ZNF462: variants seen among roughly 807,000 people sequenced by gnomAD.
The protein encoded by ZNF462 is zinc finger PBX1-interacting protein.
ZNF462 carries 10 observed loss-of-function variants against 201.9 expected under a neutral mutation model. That is an observed-to-expected ratio of 0.05 (90% CI 0.03 to 0.08). The LOEUF (loss-of-function observed/expected upper bound fraction) is 0.08, where lower values mean the gene tolerates loss of function less well. Ranked by LOEUF, ZNF462 falls within the 10% of genes least tolerant of loss-of-function variation. The pLI is 1.00. For synonymous variants in ZNF462, 1,227 were observed against 1,193.3 expected, an observed-to-expected ratio of 1.03 and a Z score of -0.58; for missense variants, 2,523 against 3,168.3, an observed-to-expected ratio of 0.80 and a Z score of 4.89.
At position 106,972,301 on chromosome 9, in the gene ZNF462, A is replaced by G. The variant is rs2132042212; in HGVS notation, c.6695+29A>G. ...AGTGACGTAATGAACAGCTATGGAA[A>G]ACAAGGCGGCCGCCCCTGCTCCACC... On this transcript the variant is annotated intron_variant, in intron 8 of 12. Transcript: ENST00000277225. The surrounding 1 kb of genome is among the most constrained non-coding windows in gnomAD (Gnocchi z 4.8). The G allele has an allele frequency of 6.3e-7, 1 of 1,598,786 alleles. No homozygotes were observed.
At chr9:106,914,603 A>C (rs1169577614) in intron 1 of ZNF462, among the ~76,000 whole-genome samples, 1 of 152,196 alleles carries the variant, frequency 6.6e-6, no homozygotes, top group African/African-American at 2.4e-5. Context: ...TCCTTCCTTC[A>C]TTCAGCGTAT....
chr9:106,881,935 G>A lies in ZNF462; in HGVS notation c.-31+18580G>A, dbSNP rs145383344. Among the ~76,000 whole-genome samples the A allele has an allele frequency of 1.4e-4, 22 of 152,128 alleles. 1 individual carries two copies. The East Asian group carries it at 3.9e-3, about 27-fold the overall frequency. On this transcript the variant is annotated intron_variant, in intron 1 of 12. Coordinates refer to ENST00000277225, the MANE Select transcript of ZNF462 (RefSeq NM_021224.6). ...TTTTTTGTTTTGACTATTGCTACAC[G>A]ACTAACTCCTCTATAGTAAACCTGA...
chr9:106,906,765 T>A (rs1829291805), intron 1 of ZNF462, among the ~76,000 whole-genome samples: 1 of 152,204 alleles, frequency 6.6e-6, no homozygotes, highest in Non-Finnish European at 1.5e-5. Context: ...TTGTTGAAAA[T>A]TTTTCACATC....
In ZNF462 at chr9:107,003,513, G is replaced by A; in HGVS notation, c.7189+87G>A. ...AGGGAGGCAGGAGGTTGTTGTAGGAGTAACAGAAGGAATGATCCTTCTTAG... is the reference window on the plus strand; with the variant it reads ...AGGGAGGCAGGAGGTTGTTGTAGGAATAACAGAAGGAATGATCCTTCTTAG... On this transcript the variant is annotated intron_variant, in intron 11 of 12. Transcript: ENST00000277225. The surrounding 1 kb of genome is among the most constrained non-coding windows in gnomAD (Gnocchi z 4.4). 6.6e-7 allele frequency: 1 copy of A among 1,516,312 alleles called. No homozygotes were observed. Among genetic ancestry groups the A allele is most frequent in the Non-Finnish European group, 8.9e-7 (1 of 1,126,316 alleles). 93.9% of individuals were successfully genotyped at this position (1,516,312 alleles called of 1,614,324 possible).
At chr9:106,985,801 G>A (rs911412725) in intron 10 of ZNF462, among the ~76,000 whole-genome samples, 8 of 152,120 alleles carry the variant, frequency 5.3e-5, no homozygotes. Flanking sequence ...GAGAGAGAAG[G>A]CTGAGCTTTG....
At position 107,012,024 on chromosome 9, in the gene ZNF462, T is replaced by C. The variant is rs1290215167; in HGVS notation, c.*994T>C. 4 of 152,198 alleles carry C rather than the reference T, an allele frequency of 2.6e-5. No homozygotes were observed. The East Asian group carries it at 7.7e-4, about 29-fold the overall frequency. The allele number at this position is 152,198 out of a possible 1,614,324, so 9.4% of individuals were successfully genotyped here. A position where few individuals can be genotyped will look rare whatever the true frequency, so the allele number is the denominator to read the frequency against. ...GTGTGTGTTGTTATTGTTGTTTTAA[T>C]TTCGGGGCAAGGGAGATTTAGTTTT... On this transcript the variant is annotated 3_prime_UTR_variant, in exon 13 of 13. Coordinates refer to ENST00000277225, the MANE Select transcript of ZNF462 (RefSeq NM_021224.6).
rs1830075964 is a variant in ZNF462, at chr9:106,923,687, A to G, written c.220+84A>G. 7.0e-6 allele frequency: 10 copies of G among 1,432,026 alleles called. No individual in the cohort carries two copies. Among genetic ancestry groups the G allele is most frequent in the Non-Finnish European group, 9.6e-6 (10 of 1,036,304 alleles). 88.7% of individuals were successfully genotyped at this position (1,432,026 alleles called of 1,614,324 possible). A position where few individuals can be genotyped will look rare whatever the true frequency, so the allele number is the denominator to read the frequency against. On this transcript the variant is annotated intron_variant, in intron 2 of 12. Coordinates refer to ENST00000277225, the MANE Select transcript of ZNF462 (RefSeq NM_021224.6). This position sits in a 1 kb window ranked among gnomAD's most constrained non-coding sequence, Gnocchi z 5.6. Reference sequence around the variant, plus strand: ...AGCCTGTAGCCATGGTTCTTAATATACGTGGCTTTTGCAGAGTTTCTTGTG... The same window carrying G: ...AGCCTGTAGCCATGGTTCTTAATATGCGTGGCTTTTGCAGAGTTTCTTGTG...
intron 10 of ZNF462, among the ~76,000 whole-genome samples, chr9:106,988,915 A>T (rs1316082003): frequency 6.6e-6 from 1 of 152,130 alleles, no homozygotes; most frequent in Non-Finnish European, 1.5e-5. Context: ...GAATTCCTTT[A>T]TCGGTTCTAG....
chr9:106,891,431 C>G (rs965703894), intron 1 of ZNF462, among the ~76,000 whole-genome samples: 1 of 152,104 alleles, frequency 6.6e-6, no homozygotes, highest in South Asian at 2.1e-4. Context: ...AATAGGCTGC[C>G]TCTCCCCTTC....
intron 1 of ZNF462, among the ~76,000 whole-genome samples, chr9:106,873,886 CTAGTGGTGGTTT>C (rs1398102607): frequency 1.3e-5 from 2 of 152,142 alleles, no homozygotes; most frequent in African/African-American, 4.8e-5. Context: ...CCCCAAGAAA[CTAGTGGTGGTTT>C]TATAAAATCC....
chr9:106,894,931 C>T (rs1182152419), intron 1 of ZNF462, among the ~76,000 whole-genome samples: 3 of 152,056 alleles, frequency 2.0e-5, no homozygotes, highest in African/African-American at 7.2e-5. Context: ...AAGTTAACTA[C>T]ACTTGTTTCT....
At position 106,935,734 on chromosome 9, in the gene ZNF462, G is replaced by C; in HGVS notation, c.6235+113G>C. The C allele has an allele frequency of 1.3e-6, 1 of 762,190 alleles. No individual in the cohort carries two copies. The highest frequency in any genetic ancestry group is 2.1e-6 in the Non-Finnish European group (1 of 483,510). 47.2% of individuals were successfully genotyped at this position (762,190 alleles called of 1,614,324 possible). On this transcript the variant is annotated intron_variant, in intron 6 of 12. Transcript: ENST00000277225. This position sits in a 1 kb window ranked among gnomAD's most constrained non-coding sequence, Gnocchi z 4.1. ...CCTTACACTTGAGAATGTTATTCTT[G>C]GGATGGATGTATATTCAGTTTTATT...
At chr9:106,976,792 T>G (rs897390833) in intron 9 of ZNF462, 3 of 152,200 alleles carry the variant, frequency 2.0e-5, no homozygotes, top group Admixed American at 1.3e-4. Context: ...TTTTATAGAA[T>G]TCTCACAAAA....
Position 106,984,125 on chromosome 9 carries a change from A to C in ZNF462, c.6833-61A>C. 6.7e-7 allele frequency: 1 copy of C among 1,492,656 alleles called. No homozygotes were observed. Among genetic ancestry groups the C allele is most frequent in the Non-Finnish European group, 9.2e-7 (1 of 1,090,434 alleles). 92.5% of individuals were successfully genotyped at this position (1,492,656 alleles called of 1,614,324 possible). On this transcript the variant is annotated intron_variant, in intron 9 of 12. Coordinates refer to ENST00000277225, the MANE Select transcript of ZNF462 (RefSeq NM_021224.6). The surrounding 1 kb of genome is among the most constrained non-coding windows in gnomAD (Gnocchi z 6.4). ...TGAGTTTCTTCTTGTATTCCAAAGA[A>C]AGAACTTCTGTTTTGCCATCAGTAA...
At position 106,938,772 on chromosome 9, in the gene ZNF462, G is replaced by C. The variant is rs1038471380; in HGVS notation, c.6236-144G>C. On this transcript the variant is annotated intron_variant, in intron 6 of 12. Transcript: ENST00000277225. The surrounding 1 kb of genome is among the most constrained non-coding windows in gnomAD (Gnocchi z 4.4). ...AGTACTGTGGTTGTGGCAGGTTGTT[G>C]GTCTGTGAGGTTCGTTCATAGAACA... 3 of 760,608 alleles carry C rather than the reference G, an allele frequency of 3.9e-6. No homozygotes were observed. In the African/African-American group the frequency reaches 5.3e-5, roughly 13 times the overall value. The allele number at this position is 760,608 out of a possible 1,614,324, so 47.1% of individuals were successfully genotyped here.
chr9:106,985,315 A>G (rs1827751633), intron 10 of ZNF462, among the ~76,000 whole-genome samples: 1 of 152,200 alleles, frequency 6.6e-6, no homozygotes, highest in Admixed American at 6.5e-5. Flanking sequence ...TCTGAACATT[A>G]TAAGGATTGT....
rs1358002389 is a variant in ZNF462, at chr9:106,993,878, G to A, written c.7057-9416G>A. Among the ~76,000 whole-genome samples, 11 of 152,054 alleles carry A rather than the reference G, an allele frequency of 7.2e-5. No homozygotes were observed. The highest frequency in any genetic ancestry group is 1.3e-4 in the Non-Finnish European group (9 of 68,006). ...TCCCACCTTGGCTTCCCAAAGTACA[G>A]GAATTGCAGGTGTGAGCCACTGTGC... On this transcript the variant is annotated intron_variant, in intron 10 of 12. Coordinates refer to ENST00000277225, the MANE Select transcript of ZNF462 (RefSeq NM_021224.6). The surrounding 1 kb of genome is among the most constrained non-coding windows in gnomAD (Gnocchi z 4.0).
intron 7 of ZNF462, among the ~76,000 whole-genome samples, chr9:106,967,809 T>C (rs923485228): frequency 6.6e-6 from 1 of 152,148 alleles, no homozygotes; most frequent in African/African-American, 2.4e-5. Flanking sequence ...TCTAGAAATG[T>C]CTCCTGTGTG....
intron 1 of ZNF462, among the ~76,000 whole-genome samples, chr9:106,877,570 T>C (rs1490214104): frequency 6.6e-6 from 1 of 151,666 alleles, no homozygotes; most frequent in East Asian, 1.9e-4. Flanking sequence ...TTAGTAGAGA[T>C]GGGGTTTCAG....
Sources: gnomAD v4.1 joint callset for allele counts (sites outside exome capture counted in the v4.1 genomes callset) on GRCh38, gnomAD v4.1.1 for gene constraint, Gnocchi (gnomAD v3.1) non-coding constraint, MANE v1.5 for transcripts, NCBI Gene and HGNC (gene_info 2026-07-23, HGNC 2026-07-21) for gene names.